Variants in CSMD1 observed in about 807,000 individuals in gnomAD.
CSMD1 encodes the protein CUB and sushi domain-containing protein 1.
In CSMD1, 213 loss-of-function variants were observed where a neutral mutation model predicts 417.5. That is an observed-to-expected ratio of 0.51 (90% CI 0.46 to 0.57). The LOEUF is 0.57. Among genes scored for constraint, CSMD1 ranks in the 20% least tolerant of loss-of-function variants. The pLI is 0.00. For synonymous variants in CSMD1, 2,862 were observed against 1,736.8 expected (o/e 1.65, Z -16.11); for missense variants, 6,923 against 4,529.7 (o/e 1.53, Z -15.17).
intron 3 of CSMD1, among the ~76,000 whole-genome samples, chr8:4,086,933 A>G (rs147213766): frequency 1.2e-4 from 19 of 152,342 alleles, no homozygotes; most frequent in African/African-American, 4.3e-4. Context: ...TAAACTCACT[A>G]ACCAGCTGTG....
intron 2 of CSMD1, among the ~76,000 whole-genome samples, chr8:4,433,446 A>G (rs1797981393): frequency 6.6e-6 from 1 of 152,146 alleles, no homozygotes; most frequent in Non-Finnish European, 1.5e-5. Flanking sequence ...ATTAAAGGCA[A>G]TTCCCTGCGA....
chr8:4,285,033 T>G (rs62478590), intron 3 of CSMD1, among the ~76,000 whole-genome samples: 17,212 of 152,220 alleles, frequency 0.11, 1,249 homozygotes, highest in Non-Finnish European at 0.16. Flanking sequence ...GTCCACACCA[T>G]AAAACTGTTG....
intron 50 of CSMD1, among the ~76,000 whole-genome samples, chr8:3,050,784 T>C (rs1219410575): frequency 6.6e-6 from 1 of 152,224 alleles, no homozygotes; most frequent in Non-Finnish European, 1.5e-5. Context: ...TTTGTCTATT[T>C]ATATCTAAGT....
At position 3,556,870 on chromosome 8, in the gene CSMD1, A is replaced by G. The variant is rs79057132; in HGVS notation, c.1344+18075T>C. On this transcript the variant is annotated intron_variant, in intron 10 of 69. Transcript: ENST00000635120. The stretch of plus-strand genomic sequence containing the variant: ...ACCCCCTCTGGACAGATCTCAGCAC[A>G]CTTCGTACTTCACAGGAAAGCCACA... Among the ~76,000 whole-genome samples the G allele has an allele frequency of 6.2e-3, 936 of 152,170 alleles. 11 individuals carry two copies. Among genetic ancestry groups the G allele is most frequent in the Non-Finnish European group, 9.8e-3 (664 of 68,010 alleles).
intron 10 of CSMD1, among the ~76,000 whole-genome samples, chr8:3,572,791 T>C (rs1445048448): frequency 1.3e-5 from 2 of 152,188 alleles, no homozygotes; most frequent in Non-Finnish European, 2.9e-5. Flanking sequence ...ATCTATTTAC[T>C]CTTAACTCAA....
intron 3 of CSMD1, among the ~76,000 whole-genome samples, chr8:4,196,264 C>G (rs991939054): frequency 6.6e-6 from 1 of 152,172 alleles, no homozygotes; most frequent in African/African-American, 2.4e-5. Flanking sequence ...TGTCAAGCCA[C>G]TCTTTTGTGG....
intron 30 of CSMD1, among the ~76,000 whole-genome samples, chr8:3,212,645 C>T (rs1209483967): frequency 6.6e-6 from 1 of 151,798 alleles, no homozygotes; most frequent in Non-Finnish European, 1.5e-5. Flanking sequence ...TGAGCCACTA[C>T]ACCTGGCCTA....
At chr8:4,326,605 A>G (rs557079681) in intron 3 of CSMD1, among the ~76,000 whole-genome samples, 11 of 152,324 alleles carry the variant, frequency 7.2e-5, no homozygotes, top group East Asian at 1.9e-4. Flanking sequence ...CCTACGGAGA[A>G]AACAGTAAGA....
intron 5 of CSMD1, among the ~76,000 whole-genome samples, chr8:3,768,292 T>A (rs1172803931): frequency 6.6e-6 from 1 of 152,154 alleles, no homozygotes; most frequent in Non-Finnish European, 1.5e-5. Context: ...AGCTAGGTGG[T>A]TGGTTCACCT....
intron 1 of CSMD1, among the ~76,000 whole-genome samples, chr8:4,853,985 A>G (rs1801639547): frequency 6.6e-6 from 1 of 152,114 alleles, no homozygotes; most frequent in South Asian, 2.1e-4. Flanking sequence ...TTGGTATGAG[A>G]ATATTTACCT....
chr8:3,481,415 G>C (rs4305921), intron 11 of CSMD1, among the ~76,000 whole-genome samples: 5,967 of 152,128 alleles, frequency 0.039, 260 homozygotes, highest in East Asian at 0.19. Flanking sequence ...ATTTCAAAAA[G>C]TTGAAGGGGT....
chr8:4,539,534 T>G (rs76491291), intron 2 of CSMD1, among the ~76,000 whole-genome samples: 2,070 of 152,278 alleles, frequency 0.014, 41 homozygotes, highest in East Asian at 0.086. Context: ...ACAGAATGAG[T>G]TAACATATTT....
intron 2 of CSMD1, among the ~76,000 whole-genome samples, chr8:4,528,512 G>A (rs765074036): frequency 1.3e-5 from 2 of 152,174 alleles, no homozygotes; most frequent in Non-Finnish European, 2.9e-5. Context: ...ATGGCGCCTA[G>A]AGTTAACAAT....
At chr8:3,948,510 C>T (rs1178803588) in intron 5 of CSMD1, among the ~76,000 whole-genome samples, 5 of 151,992 alleles carry the variant, frequency 3.3e-5, no homozygotes, top group African/African-American at 1.2e-4. Context: ...AGTTTGTCTT[C>T]TTATATTTTC....
intron 5 of CSMD1, among the ~76,000 whole-genome samples, chr8:3,798,071 G>T (rs954238452): frequency 6.6e-6 from 1 of 151,888 alleles, no homozygotes; most frequent in Non-Finnish European, 1.5e-5. Flanking sequence ...ATCCATTGAA[G>T]TATTGTGATG....
intron 10 of CSMD1, among the ~76,000 whole-genome samples, chr8:3,543,536 T>C (rs1798531582): frequency 6.6e-6 from 1 of 151,660 alleles, no homozygotes; most frequent in Admixed American, 6.6e-5. Context: ...ATCCCCAACA[T>C]GATGGAAAAT....
intron 3 of CSMD1, among the ~76,000 whole-genome samples, chr8:4,270,259 T>A (rs1804502811): frequency 6.6e-6 from 1 of 152,122 alleles, no homozygotes; most frequent in African/African-American, 2.4e-5. Context: ...TACAAATAGT[T>A]CTCATTTTTA....
intron 2 of CSMD1, among the ~76,000 whole-genome samples, chr8:4,570,999 T>C (rs540492343): frequency 4.6e-5 from 7 of 151,956 alleles, no homozygotes; most frequent in African/African-American, 1.7e-4. Context: ...TCCCTTTATC[T>C]TTTTTTTATC....
chr8:4,537,570 G>T (rs985324691), intron 2 of CSMD1, among the ~76,000 whole-genome samples: 1 of 152,172 alleles, frequency 6.6e-6, no homozygotes, highest in Non-Finnish European at 1.5e-5. Context: ...TTGAAAACTT[G>T]CTGAACATTT....
Sources: gnomAD v4.1 joint callset for allele counts (sites outside exome capture counted in the v4.1 genomes callset) on GRCh38, gnomAD v4.1.1 for gene constraint, MANE v1.5 for transcripts, NCBI Gene and HGNC (gene_info 2026-07-23, HGNC 2026-07-21) for gene names.